Variants in TSC22D1 observed in about 807,000 individuals in gnomAD.
TSC22D1 encodes TSC22 domain family protein 1.
A neutral mutation model predicts 74.2 loss-of-function variants in TSC22D1; 9 were observed. The observed-to-expected ratio is 0.12, with a 90% CI of 0.07 to 0.21. The LOEUF is 0.21. Ranked by LOEUF, TSC22D1 falls within the 10% of genes least tolerant of loss-of-function variation. The pLI, the probability that TSC22D1 is intolerant of heterozygous loss-of-function variation, is 1.00. For missense variants in TSC22D1, 1,427 were observed against 1,304.7 expected (o/e 1.09, Z -1.44); for synonymous variants, 586 against 492.5 (o/e 1.19, Z -2.51).
intron 1 of TSC22D1, among the ~76,000 whole-genome samples, chr13:44,550,283 T>TC (rs1352307121): frequency 6.6e-6 from 1 of 152,176 alleles, no homozygotes; most frequent in Non-Finnish European, 1.5e-5. Flanking sequence ...TTTGGCAAGC[T>TC]CCATTAAGAA....
chr13:44,517,857 A>ATATATATATTT (rs10627677), intron 1 of TSC22D1, among the ~76,000 whole-genome samples: 3 of 16,174 alleles, frequency 1.9e-4, no homozygotes, highest in Admixed American at 9.2e-4. Flanking sequence ...ATATATATAT[A>ATATATATATTT]TTTTTTTTTT....
At chr13:44,488,852 G>A (rs972274653) in intron 1 of TSC22D1, among the ~76,000 whole-genome samples, 5 of 151,900 alleles carry the variant, frequency 3.3e-5, no homozygotes, top group African/African-American at 9.7e-5. Flanking sequence ...ATTCAATATC[G>A]AAAATCCCCA....
At chr13:44,529,847 G>A (rs1454617966) in intron 1 of TSC22D1, among the ~76,000 whole-genome samples, 1 of 151,764 alleles carries the variant, frequency 6.6e-6, no homozygotes, top group Non-Finnish European at 1.5e-5. Context: ...AAACACTTTG[G>A]TATAAATCTA....
chr13:44,569,090 C>A (rs1023344029), intron 1 of TSC22D1, among the ~76,000 whole-genome samples: 1 of 151,828 alleles, frequency 6.6e-6, no homozygotes, highest in Non-Finnish European at 1.5e-5. Context: ...TAACAAATAC[C>A]TACATAGGGC....
chr13:44,479,381 C>T (rs9533871), intron 1 of TSC22D1, among the ~76,000 whole-genome samples: 73,319 of 149,080 alleles, frequency 0.49, 17,979 homozygotes, highest in East Asian at 0.63. Context: ...ATTTTACGTG[C>T]GGCCCAAGAC....
Position 44,433,865 on chromosome 13 carries a change from TAA to T in TSC22D1, c.*759_*760del, listed in dbSNP as rs140635430. On this transcript the variant is annotated 3_prime_UTR_variant, in exon 3 of 3. Coordinates refer to ENST00000458659, the MANE Select transcript of TSC22D1 (RefSeq NM_183422.4). ...AGCAGTTTTTATGTAGATCTATATATAAAAGTCCACACCTCCTCAGACAGCCA... is the reference window on the plus strand; with the variant it reads ...AGCAGTTTTTATGTAGATCTATATATAAGTCCACACCTCCTCAGACAGCCA... 1 of 998,180 alleles carries T rather than the reference TAA, an allele frequency of 1.0e-6. No homozygotes were observed. The highest frequency in any genetic ancestry group is 1.7e-5 in the African/African-American group (1 of 58,714). 61.8% of individuals were successfully genotyped at this position (998,180 alleles called of 1,614,324 possible). A position where few individuals can be genotyped will look rare whatever the true frequency, so the allele number is the denominator to read the frequency against.
chr13:44,485,905 G>C (rs9595135), intron 1 of TSC22D1, among the ~76,000 whole-genome samples: 1 of 151,720 alleles, frequency 6.6e-6, no homozygotes, highest in East Asian at 1.9e-4. Context: ...CTGTTGTAAG[G>C]CTTCTGTATT....
intron 1 of TSC22D1, among the ~76,000 whole-genome samples, chr13:44,457,306 T>A (rs532428096): frequency 6.6e-6 from 1 of 152,298 alleles, no homozygotes; most frequent in East Asian, 1.9e-4. Flanking sequence ...AAGGATAACT[T>A]TTCTATATAA....
In TSC22D1 at chr13:44,575,764, T is replaced by G. The variant is rs1473241969; in HGVS notation, c.311A>C (p.Gln104Pro). Residue 104 changes from glutamine to proline, a missense_variant, in exon 1 of 3, where the codon CAA becomes CCA. Physicochemically the swap from Gln to Pro is moderately conservative, Grantham distance 76. Coordinates refer to ENST00000458659, the MANE Select transcript of TSC22D1 (RefSeq NM_183422.4). ...QAQPLAPGGT[Q>P]MKKKSGFQIT... Reference sequence around the variant, plus strand: ...CTGGAAGCCACTTTTCTTTTTCATTTGAGTTCCGCCTGGCGCAAGAGGCTG... The same window carrying G: ...CTGGAAGCCACTTTTCTTTTTCATTGGAGTTCCGCCTGGCGCAAGAGGCTG... 6.2e-7 allele frequency: 1 copy of G among 1,614,198 alleles called. No homozygotes were observed. Among genetic ancestry groups the G allele is most frequent in the Non-Finnish European group, 8.5e-7 (1 of 1,180,030 alleles).
At chr13:44,538,882 AAG>A in intron 1 of TSC22D1, 1 of 985,396 alleles carries the variant, frequency 1.0e-6, no homozygotes. Flanking sequence ...TACCAGTTGA[AAG>A]AAATCTGGGC....
chr13:44,525,119 G>T (rs1423777013), intron 1 of TSC22D1, among the ~76,000 whole-genome samples: 1 of 152,074 alleles, frequency 6.6e-6, no homozygotes, highest in African/African-American at 2.4e-5. Flanking sequence ...CCTAAGGGGG[G>T]TAAAAAAGCT....
intron 1 of TSC22D1, among the ~76,000 whole-genome samples, chr13:44,508,370 T>A (rs994796841): frequency 6.6e-6 from 1 of 152,200 alleles, no homozygotes; most frequent in Non-Finnish European, 1.5e-5. Context: ...ATGGTTCCGA[T>A]GTTCATACGT....
intron 1 of TSC22D1, among the ~76,000 whole-genome samples, chr13:44,440,587 CAAA>C (rs67344848): frequency 5.9e-5 from 4 of 68,262 alleles, no homozygotes; most frequent in Non-Finnish European, 8.0e-5. Context: ...GGCTCTGTCT[CAAA>C]AAAAAAAAAA....
intron 1 of TSC22D1, among the ~76,000 whole-genome samples, chr13:44,490,969 A>C (rs1462296980): frequency 6.6e-6 from 1 of 151,088 alleles, no homozygotes; most frequent in Non-Finnish European, 1.5e-5. Flanking sequence ...TATATTCATA[A>C]ATTTGACTAC....
chr13:44,576,087 CG>C lies in TSC22D1; in HGVS notation c.-14del, dbSNP rs1378713126. On this transcript the variant is annotated 5_prime_UTR_variant, in exon 1 of 3. Transcript: ENST00000458659. ...GCGGCTGGTGCATTGTGTTGGGTACCGGGGGCGCGGAGGAGACGAGTGCAAT... is the reference window on the plus strand; with the variant it reads ...GCGGCTGGTGCATTGTGTTGGGTACCGGGGCGCGGAGGAGACGAGTGCAAT... The C allele has an allele frequency of 1.3e-6, 2 of 1,518,188 alleles. No homozygotes were observed. Among genetic ancestry groups the C allele is most frequent in the Non-Finnish European group, 1.8e-6 (2 of 1,138,446 alleles). 94.0% of individuals were successfully genotyped at this position (1,518,188 alleles called of 1,614,324 possible).
chr13:44,456,253 C>G (rs549530554), intron 1 of TSC22D1, among the ~76,000 whole-genome samples: 6 of 152,178 alleles, frequency 3.9e-5, no homozygotes, highest in Non-Finnish European at 5.9e-5. Context: ...AAGACCCGAG[C>G]GGGTTGCTGC....
intron 1 of TSC22D1, among the ~76,000 whole-genome samples, chr13:44,561,431 C>T (rs1191633425): frequency 1.3e-5 from 2 of 152,160 alleles, no homozygotes; most frequent in African/African-American, 2.4e-5. Flanking sequence ...ATTCCATGTC[C>T]AATCAAATCC....
intron 1 of TSC22D1, among the ~76,000 whole-genome samples, chr13:44,453,064 G>A (rs1440893003): frequency 6.6e-6 from 1 of 152,192 alleles, no homozygotes; most frequent in East Asian, 1.9e-4. Flanking sequence ...ATTTTCAGTA[G>A]TTAGGAATTA....
chr13:44,476,727 A>G (rs1330245954), intron 1 of TSC22D1, among the ~76,000 whole-genome samples: 2 of 152,000 alleles, frequency 1.3e-5, no homozygotes, highest in Non-Finnish European at 2.9e-5. Flanking sequence ...CTCAGGCTGG[A>G]GTGCAGTGGC....
Sources: gnomAD v4.1 joint callset for allele counts (sites outside exome capture counted in the v4.1 genomes callset) on GRCh38, gnomAD v4.1.1 for gene constraint, MANE v1.5 for transcripts, NCBI Gene and HGNC (gene_info 2026-07-23, HGNC 2026-07-21) for gene names.